Variants in EYS observed in about 807,000 individuals in gnomAD.
EYS encodes the protein protein eyes shut homolog.
Under a neutral mutation model 282.1 loss-of-function variants are expected in EYS, and 250 were observed. The observed-to-expected ratio is 0.89, with a 90% CI of 0.80 to 0.98. The LOEUF (loss-of-function observed/expected upper bound fraction) is 0.98, where lower values mean the gene tolerates loss of function less well. Ranked by LOEUF, EYS falls within the 50% of genes least tolerant of loss-of-function variation. The probability of loss-of-function intolerance (pLI) is 0.00; values close to 1 mark genes in which losing one functional copy is unlikely to be tolerated. For missense variants in EYS, 4,016 were observed against 3,709.0 expected, an observed-to-expected ratio of 1.08 and a Z score of -2.15; for synonymous variants, 1,355 against 1,282.9, an observed-to-expected ratio of 1.06 and a Z score of -1.20.
At chr6:63,863,264 C>T (rs901614676) in intron 36 of EYS, among the ~76,000 whole-genome samples, 1 of 152,212 alleles carries the variant, frequency 6.6e-6, no homozygotes, top group Non-Finnish European at 1.5e-5. Context: ...TATCTACACA[C>T]ATTTATGTAT....
intron 30 of EYS, among the ~76,000 whole-genome samples, chr6:64,243,897 C>T (rs112152294): frequency 3.2e-4 from 48 of 152,072 alleles, no homozygotes; most frequent in African/African-American, 7.2e-4. Flanking sequence ...ATGGTTGTTT[C>T]AAGTTTTTCA....
chr6:64,631,021 G>C (rs576710664), intron 22 of EYS, among the ~76,000 whole-genome samples: 2 of 152,258 alleles, frequency 1.3e-5, no homozygotes, highest in African/African-American at 4.8e-5. Flanking sequence ...TTATACAAAA[G>C]GATTTACTAA....
chr6:63,867,437 CG>C (rs1052357161), intron 35 of EYS, among the ~76,000 whole-genome samples: 7 of 152,062 alleles, frequency 4.6e-5, no homozygotes, highest in Non-Finnish European at 1.0e-4. Flanking sequence ...AGTAGGTCTG[CG>C]AAATAATCCA....
At chr6:65,158,501 G>T (rs1764779177) in intron 12 of EYS, among the ~76,000 whole-genome samples, 1 of 150,798 alleles carries the variant, frequency 6.6e-6, no homozygotes, top group Non-Finnish European at 1.5e-5. Flanking sequence ...CCATGTCTTG[G>T]CTCACTAGTG....
At chr6:64,746,218 A>T (rs1772551636) in intron 22 of EYS, among the ~76,000 whole-genome samples, 1 of 151,972 alleles carries the variant, frequency 6.6e-6, no homozygotes, top group African/African-American at 2.4e-5. Context: ...AAGAGGTGGG[A>T]CTATTAAGCG....
chr6:64,657,489 G>A (rs1385479189), intron 22 of EYS, among the ~76,000 whole-genome samples: 1 of 152,182 alleles, frequency 6.6e-6, no homozygotes, highest in Non-Finnish European at 1.5e-5. Flanking sequence ...GCAGTGGCTG[G>A]TACTGGTTGT....
At chr6:64,247,678 G>C (rs1301205663) in intron 30 of EYS, among the ~76,000 whole-genome samples, 2 of 152,092 alleles carry the variant, frequency 1.3e-5, no homozygotes, top group Non-Finnish European at 2.9e-5. Flanking sequence ...ATAATGCATT[G>C]AGGGTGACTC....
chr6:64,735,756 A>G (rs544746367), intron 22 of EYS, among the ~76,000 whole-genome samples: 2 of 152,134 alleles, frequency 1.3e-5, no homozygotes, highest in Non-Finnish European at 2.9e-5. Flanking sequence ...TTTGACATAA[A>G]TGTAGTTTGG....
intron 39 of EYS, among the ~76,000 whole-genome samples, chr6:63,783,961 G>T (rs548263596): frequency 6.6e-6 from 1 of 152,192 alleles, no homozygotes; most frequent in South Asian, 2.1e-4. Context: ...AATGTGGGTG[G>T]GCCTCATTCA....
At chr6:65,680,073 C>T (rs1469735763) in intron 1 of EYS, among the ~76,000 whole-genome samples, 2 of 127,770 alleles carry the variant, frequency 1.6e-5, no homozygotes, top group South Asian at 2.5e-4. Flanking sequence ...ATATATTATG[C>T]GCTCCTAAAT....
chr6:64,745,018 G>C (rs537403872), intron 22 of EYS, among the ~76,000 whole-genome samples: 1 of 152,206 alleles, frequency 6.6e-6, no homozygotes, highest in Non-Finnish European at 1.5e-5. Flanking sequence ...CAGCATGAGG[G>C]GAAACAGTGT....
intron 12 of EYS, among the ~76,000 whole-genome samples, chr6:65,189,532 G>A (rs1211092232): frequency 1.3e-5 from 2 of 151,732 alleles, no homozygotes; most frequent in Non-Finnish European, 2.9e-5. Flanking sequence ...AAGCACAGAA[G>A]ACAATAAAAT....
intron 14 of EYS, among the ~76,000 whole-genome samples, chr6:64,991,758 ATAG>A (rs574175712): frequency 2.0e-4 from 31 of 151,856 alleles, no homozygotes; most frequent in Non-Finnish European, 3.2e-4. Context: ...CCACAAGAAA[ATAG>A]TACTTAATGA....
Position 64,886,825 on chromosome 6 carries a change from T to C in EYS, c.2864A>G (p.Glu955Gly). The C allele has an allele frequency of 6.5e-7, 1 of 1,527,502 alleles. No individual in the cohort carries two copies. Among genetic ancestry groups the C allele is most frequent in the East Asian group, 2.5e-5 (1 of 39,890 alleles). The allele number at this position is 1,527,502 out of a possible 1,614,324, so 94.6% of individuals were successfully genotyped here. ...ACAGAAGGGCCCATGGTACTCAGGT[T>C]CACAATTACAAAAAAATCTGGAGAA... ...DLTNRFFCNC[E>G]PEYHGPFCEL... is the part of the protein sequence containing the mutation. Residue 955 changes from glutamate to glycine, a missense_variant, in exon 19 of 43, where the codon GAA (glutamate) becomes GGA (glycine). By Grantham distance (98) the Glu-to-Gly change is moderately conservative (BLOSUM62 -2). Transcript: ENST00000503581.
At chr6:64,031,990 C>G (rs1482401739) in intron 33 of EYS, among the ~76,000 whole-genome samples, 5 of 152,110 alleles carry the variant, frequency 3.3e-5, no homozygotes, top group Admixed American at 6.5e-5. Context: ...CTTGCTGCTG[C>G]TCTCTCTTTG....
intron 12 of EYS, among the ~76,000 whole-genome samples, chr6:65,142,627 A>C (rs1178648687): frequency 1.3e-5 from 2 of 151,778 alleles, no homozygotes; most frequent in East Asian, 3.9e-4. Context: ...TATCTTTGCA[A>C]CTTCCTGTTA....
At chr6:65,544,191 T>C (rs1411856) in intron 2 of EYS, among the ~76,000 whole-genome samples, 113,464 of 152,112 alleles carry the variant, frequency 0.75, 43,111 homozygotes, top group African/African-American at 0.89. Flanking sequence ...TTGTTTGTCA[T>C]TGCACTTTGT....
At chr6:65,582,283 G>T (rs1254452182) in intron 2 of EYS, among the ~76,000 whole-genome samples, 1 of 151,916 alleles carries the variant, frequency 6.6e-6, no homozygotes, top group Non-Finnish European at 1.5e-5. Flanking sequence ...TGGAAAAGCA[G>T]GTGTGAAGTT....
intron 22 of EYS, among the ~76,000 whole-genome samples, chr6:64,788,642 C>A (rs1270106267): frequency 6.6e-6 from 1 of 152,156 alleles, no homozygotes; most frequent in Non-Finnish European, 1.5e-5. Flanking sequence ...ATCCACACAA[C>A]CTGGCCTTCA....
Sources: gnomAD v4.1 joint callset for allele counts (sites outside exome capture counted in the v4.1 genomes callset) on GRCh38, gnomAD v4.1.1 for gene constraint, MANE v1.5 for transcripts, NCBI Gene and HGNC (gene_info 2026-07-23, HGNC 2026-07-21) for gene names.